The following FAM83A variants were observed in gnomAD, a reference collection of about 807,000 sequenced individuals.
The protein encoded by FAM83A is scaffolding CK1 anchoring protein A.
FAM83A carries 21 observed loss-of-function variants against 24.4 expected under a neutral mutation model. That is an observed-to-expected ratio of 0.86 (90% CI 0.61 to 1.24). The LOEUF (loss-of-function observed/expected upper bound fraction) is 1.24, where lower values mean the gene tolerates loss of function less well. Ranked by LOEUF, FAM83A falls within the 50% of genes most tolerant of loss-of-function variation. The probability of loss-of-function intolerance (pLI) is 0.00; values close to 1 mark genes in which losing one functional copy is unlikely to be tolerated. For synonymous variants in FAM83A, 270 were observed against 252.4 expected (o/e 1.07, Z -0.66); for missense variants, 617 against 579.8 (o/e 1.06, Z -0.66).
exon 1 of FAM83A, chr8:123,182,872 C>G: frequency 4.6e-6 from 7 of 1,522,222 alleles, no homozygotes; most frequent in Non-Finnish European, 5.3e-6. Flanking sequence ...CCGGTCAAGG[C>G]ACCTGGGCAA....
chr8:123,180,323 TGTCC>T (rs1810484580), upstream of FAM83A: 2 of 152,182 alleles, frequency 1.3e-5, no homozygotes. Flanking sequence ...ACTCAGACTG[TGTCC>T]TCTTCCTCTT....
exon 1 of FAM83A, chr8:123,183,006 C>T: frequency 1.9e-6 from 3 of 1,601,120 alleles, no homozygotes; most frequent in Non-Finnish European, 1.7e-6. Flanking sequence ...CTGAAGCCTA[C>T]TGGCGGGTGC....
At chr8:123,187,021 G>A (rs1435435096) in intron 1 of FAM83A, among the ~76,000 whole-genome samples, 1 of 152,162 alleles carries the variant, frequency 6.6e-6, no homozygotes, top group Non-Finnish European at 1.5e-5. Context: ...AGTGGAGGAA[G>A]GGATTAGGGC....
chr8:123,182,364 C>A, upstream of FAM83A: 2 of 357,180 alleles, frequency 5.6e-6, no homozygotes, highest in Admixed American at 7.3e-5. Context: ...AAATTCTTAT[C>A]TTTGAAACAG....
At chr8:123,188,243 C>A (rs560094560) in intron 1 of FAM83A, among the ~76,000 whole-genome samples, 157 of 152,084 alleles carry the variant, frequency 1.0e-3, no homozygotes, top group African/African-American at 3.6e-3. Flanking sequence ...CACACGACGG[C>A]TTTCTCCTCT....
chr8:123,185,159 G>A (rs1456360723), intron 1 of FAM83A, among the ~76,000 whole-genome samples: 3 of 152,178 alleles, frequency 2.0e-5, no homozygotes, highest in Non-Finnish European at 2.9e-5. Flanking sequence ...CTGCCTTTGT[G>A]GCCCGGCGCT....
rs796750088 is a variant in FAM83A, at chr8:123,205,988, C to A, written c.774-1169C>A. On this transcript the variant is annotated intron_variant, in intron 3 of 3. Coordinates refer to ENST00000690554, the Ensembl canonical transcript of FAM83A. The stretch of plus-strand genomic sequence containing the variant: ...TGAACCCCTGTCTCTACTAAAAATA[C>A]AAAAATTAGCTGGGCGTGGTGGCGG... Among the ~76,000 whole-genome samples the A allele has an allele frequency of 1.4e-3, 220 of 151,948 alleles. 1 individual carries two copies. Among genetic ancestry groups the A allele is most frequent in the African/African-American group, 5.0e-3 (206 of 41,490 alleles).
intron 3 of FAM83A, chr8:123,201,668 C>T (rs1052623955): frequency 6.6e-6 from 1 of 152,176 alleles, no homozygotes; most frequent in Non-Finnish European, 1.5e-5. Flanking sequence ...TATTTTGGCC[C>T]CTTCTTCTGG....
intron 3 of FAM83A, chr8:123,202,177 C>A (rs571866629): frequency 6.6e-6 from 1 of 152,550 alleles, no homozygotes; most frequent in Non-Finnish European, 1.5e-5. Flanking sequence ...CTCCTAGGAA[C>A]AACAACAACA....
At chr8:123,193,576 T>G (rs1022503524) in intron 2 of FAM83A, among the ~76,000 whole-genome samples, 1 of 152,218 alleles carries the variant, frequency 6.6e-6, no homozygotes, top group African/African-American at 2.4e-5. Context: ...TTGATGAACA[T>G]TCTACCAGAC....
At chr8:123,197,246 G>C (rs901096688) in intron 3 of FAM83A, among the ~76,000 whole-genome samples, 1 of 152,200 alleles carries the variant, frequency 6.6e-6, no homozygotes, top group Admixed American at 6.5e-5. Flanking sequence ...AGAATTTGAA[G>C]GTAGGAGAAC....
intron 1 of FAM83A, among the ~76,000 whole-genome samples, chr8:123,186,042 G>T (rs1823780812): frequency 6.6e-6 from 1 of 152,118 alleles, no homozygotes; most frequent in Non-Finnish European, 1.5e-5. Flanking sequence ...ACCCACCTCG[G>T]CCTCCCAAAG....
intron 3 of FAM83A, among the ~76,000 whole-genome samples, chr8:123,206,361 T>C (rs1824552578): frequency 6.6e-6 from 1 of 152,086 alleles, no homozygotes; most frequent in African/African-American, 2.4e-5. Flanking sequence ...CACTCATCCC[T>C]GCTGGGTCCC....
At chr8:123,192,028 A>G (rs1208925257) in intron 2 of FAM83A, 58 bp downstream of exon 2, 2 of 1,554,614 alleles carry the variant, frequency 1.3e-6, no homozygotes, top group Non-Finnish European at 1.8e-6. Context: ...AGGATAGTCT[A>G]TGCAATAGTA....
At chr8:123,186,272 C>T (rs572039592) in intron 1 of FAM83A, among the ~76,000 whole-genome samples, 2 of 152,300 alleles carry the variant, frequency 1.3e-5, no homozygotes, top group South Asian at 4.1e-4. Flanking sequence ...CACACCCCCC[C>T]ACGTGCAGGG....
exon 4 of FAM83A, chr8:123,207,542 C>T: frequency 6.4e-7 from 1 of 1,560,946 alleles, no homozygotes; most frequent in South Asian, 1.2e-5. Context: ...CCACCTCTCC[C>T]CGCGGCCCCA....
chr8:123,180,560 G>C (rs1383832301), upstream of FAM83A: 1 of 152,346 alleles, frequency 6.6e-6, no homozygotes, highest in Non-Finnish European at 1.5e-5. Flanking sequence ...GTGAAGCCGA[G>C]CAAATCCATG....
chr8:123,187,689 G>T (rs1468745120), intron 1 of FAM83A, among the ~76,000 whole-genome samples: 1 of 152,082 alleles, frequency 6.6e-6, no homozygotes, highest in Non-Finnish European at 1.5e-5. Flanking sequence ...AGCTCTTTGA[G>T]ATCAACAATA....
At chr8:123,182,910 G>C (rs1823649788) in exon 1 of FAM83A, 2 of 1,539,918 alleles carry the variant, frequency 1.3e-6, no homozygotes, top group East Asian at 4.5e-5. Context: ...AAGATGTCAA[G>C]AGCCAGTGGG....
Sources: allele counts gnomAD v4.1 joint callset (sites outside exome capture counted in the v4.1 genomes callset), GRCh38; gene constraint gnomAD v4.1.1; transcripts MANE v1.5; gene names NCBI Gene and HGNC (gene_info 2026-07-23, HGNC 2026-07-21).